The following PDS5B variants were observed in gnomAD, a reference collection of about 807,000 sequenced individuals.
PDS5B encodes sister chromatid cohesion protein PDS5 homolog B.
PDS5B carries 51 observed loss-of-function variants against 184.1 expected under a neutral mutation model. The ratio of observed to expected loss-of-function variants is 0.28; its 90% CI spans 0.22 to 0.35. The LOEUF (loss-of-function observed/expected upper bound fraction) is 0.35, where lower values mean the gene tolerates loss of function less well. Ranked by LOEUF, PDS5B falls within the 10% of genes least tolerant of loss-of-function variation. The pLI, the probability that PDS5B is intolerant of heterozygous loss-of-function variation, is 1.00. For synonymous variants in PDS5B, 566 were observed against 569.2 expected (o/e 0.99, Z 0.08); for missense variants, 1,180 against 1,723.3 (o/e 0.68, Z 5.58).
chr13:32,648,254 A>G (rs770433822), intron 1 of PDS5B, among the ~76,000 whole-genome samples: 12 of 152,168 alleles, frequency 7.9e-5, no homozygotes, highest in Non-Finnish European at 1.6e-4. Context: ...AGAGTTTCCT[A>G]TTTGACTGTC....
intron 5 of PDS5B, 23 bp downstream of exon 5, chr13:32,658,554 G>A: frequency 8.2e-7 from 1 of 1,219,558 alleles, no homozygotes; most frequent in Non-Finnish European, 1.2e-6. Context: ...TATTAAGTAT[G>A]TAACATTAAA....
intron 33 of PDS5B, among the ~76,000 whole-genome samples, chr13:32,771,853 G>T: frequency 6.6e-6 from 1 of 151,554 alleles, no homozygotes. Flanking sequence ...GTTTATATTT[G>T]GACATCATAA....
At chr13:32,659,765 AT>A (rs1158836617) in intron 6 of PDS5B, among the ~76,000 whole-genome samples, 8 of 152,158 alleles carry the variant, frequency 5.3e-5, no homozygotes, top group Non-Finnish European at 8.8e-5. Context: ...TTGTGTTTTG[AT>A]TTTAGAAAAT....
intron 28 of PDS5B, among the ~76,000 whole-genome samples, chr13:32,759,143 A>G (rs998467657): frequency 6.6e-6 from 1 of 152,178 alleles, no homozygotes; most frequent in East Asian, 1.9e-4. Context: ...CTCCTTTATA[A>G]TTTATTTATT....
At chr13:32,710,214 G>A (rs558764008) in intron 19 of PDS5B, 108 bp downstream of exon 19, 4 of 691,912 alleles carry the variant, frequency 5.8e-6, no homozygotes, top group Non-Finnish European at 8.7e-6. Context: ...AACTGTCTAG[G>A]TTATCTTAAG....
chr13:32,621,803 C>G (rs2058305973), intron 1 of PDS5B, among the ~76,000 whole-genome samples: 5 of 152,130 alleles, frequency 3.3e-5, no homozygotes, highest in Admixed American at 2.6e-4. Flanking sequence ...ATAGCCACAC[C>G]TAATCATATT....
At chr13:32,700,198 A>C (rs1054867803) in intron 16 of PDS5B, among the ~76,000 whole-genome samples, 4 of 152,010 alleles carry the variant, frequency 2.6e-5, no homozygotes, top group Non-Finnish European at 4.4e-5. Flanking sequence ...ATTTTTTCCT[A>C]CTTTTTGATT....
rs34622192 is a variant in PDS5B, at chr13:32,614,297, ATT to A, written c.-20+27721_-20+27722del. ...GGGGATTCACATTATTCACATTGGA[ATT>A]TTTTTTTTTTTTTTTTGAGACGGAG... On this transcript the variant is annotated intron_variant, in intron 1 of 34. Coordinates refer to ENST00000315596, the MANE Select transcript of PDS5B (RefSeq NM_015032.4). Among the ~76,000 whole-genome samples the A allele has an allele frequency of 8.3e-3, 1,135 of 136,954 alleles. 11 individuals are homozygous for A. Among genetic ancestry groups the A allele is most frequent in the African/African-American group, 0.026 (976 of 37,784 alleles). 89.8% of individuals were successfully genotyped at this position (136,954 alleles called of 152,430 possible). A position where few individuals can be genotyped will look rare whatever the true frequency, so the allele number is the denominator to read the frequency against.
chr13:32,708,492 G>C (rs540351332), intron 18 of PDS5B, among the ~76,000 whole-genome samples: 1 of 152,294 alleles, frequency 6.6e-6, no homozygotes, highest in East Asian at 1.9e-4. Context: ...GCATTACTGA[G>C]TTAAAGAGAG....
chr13:32,741,681 C>A (rs1449224254), intron 22 of PDS5B, among the ~76,000 whole-genome samples: 1 of 142,498 alleles, frequency 7.0e-6, no homozygotes, highest in Non-Finnish European at 1.5e-5. Flanking sequence ...GCTGTAATTT[C>A]TTATAAACCC....
intron 1 of PDS5B, among the ~76,000 whole-genome samples, chr13:32,643,368 T>C (rs1593318714): frequency 6.6e-6 from 1 of 152,294 alleles, no homozygotes; most frequent in African/African-American, 2.4e-5. Context: ...TTTGCCTTTA[T>C]ATTTAAGTTG....
At chr13:32,764,822 A>G (rs577974096) in intron 31 of PDS5B, among the ~76,000 whole-genome samples, 3 of 152,194 alleles carry the variant, frequency 2.0e-5, no homozygotes, top group African/African-American at 7.2e-5. Flanking sequence ...GATTTTTGGT[A>G]TTAGACTTGC....
At chr13:32,726,367 GGTT>G (rs1191179920) in intron 19 of PDS5B, among the ~76,000 whole-genome samples, 3 of 152,110 alleles carry the variant, frequency 2.0e-5, no homozygotes, top group African/African-American at 4.8e-5. Flanking sequence ...ATGGACATTG[GGTT>G]GTTTTCAGTA....
chr13:32,678,504 A>G (rs888424654), intron 9 of PDS5B, among the ~76,000 whole-genome samples: 2 of 152,210 alleles, frequency 1.3e-5, no homozygotes, highest in African/African-American at 4.8e-5. Context: ...TGAACTATAT[A>G]TGCACACTTG....
At chr13:32,705,999 C>T (rs534874700) in intron 17 of PDS5B, among the ~76,000 whole-genome samples, 6 of 152,112 alleles carry the variant, frequency 3.9e-5, no homozygotes, top group East Asian at 3.9e-4. Context: ...CAAGCTTGGC[C>T]GGGCGTGGTG....
chr13:32,588,577 C>T (rs1213919248), intron 1 of PDS5B, among the ~76,000 whole-genome samples: 2 of 151,682 alleles, frequency 1.3e-5, no homozygotes, highest in African/African-American at 2.4e-5. Context: ...CTCCTTGTTT[C>T]GGTTAAGGCT....
chr13:32,756,509 A>T lies in PDS5B; in HGVS notation c.3056+553A>T, dbSNP rs563227679. On this transcript the variant is annotated intron_variant, in intron 26 of 34. Coordinates refer to ENST00000315596, the MANE Select transcript of PDS5B (RefSeq NM_015032.4). The stretch of plus-strand genomic sequence containing the variant: ...TGCTTAAAGACTGAAAACACTGTAC[A>T]TGCCTGGGTGGGGAATAGGAATATA... 8.5e-5 allele frequency among the ~76,000 whole-genome samples: 13 copies of T among 152,348 alleles called. No individual in the cohort carries two copies. In the South Asian group the frequency reaches 2.5e-3, roughly 29 times the overall value.
intron 34 of PDS5B, among the ~76,000 whole-genome samples, chr13:32,774,802 T>A (rs1954903214): frequency 6.6e-6 from 1 of 152,164 alleles, no homozygotes; most frequent in Non-Finnish European, 1.5e-5. Flanking sequence ...TTTCTTTCAC[T>A]GTTCTGGGGA....
rs138095425 is a variant in PDS5B, at chr13:32,764,712, G to A, written c.3624+118G>A. ...ACATTTTATTTTATTTTATTTTAGT[G>A]GTTTTAACCACAAACCTGAGTTTAT... On this transcript the variant is annotated intron_variant, in intron 31 of 34. Coordinates refer to ENST00000315596, the MANE Select transcript of PDS5B (RefSeq NM_015032.4). 971 of 526,666 alleles carry A rather than the reference G, an allele frequency of 1.8e-3. 16 individuals are homozygous for A. The East Asian group carries it at 0.027, about 15-fold the overall frequency. The allele number at this position is 526,666 out of a possible 1,614,324, so 32.6% of individuals were successfully genotyped here. A position where few individuals can be genotyped will look rare whatever the true frequency, so the allele number is the denominator to read the frequency against.
Sources: allele counts gnomAD v4.1 joint callset (sites outside exome capture counted in the v4.1 genomes callset), GRCh38; gene constraint gnomAD v4.1.1; transcripts MANE v1.5; gene names NCBI Gene and HGNC (gene_info 2026-07-23, HGNC 2026-07-21).